The following EDA variants were observed in gnomAD, a reference collection of about 807,000 sequenced individuals.
EDA encodes the protein ectodysplasin-A.
In EDA, 2 loss-of-function variants were observed where a neutral mutation model predicts 23.6. The ratio of observed to expected loss-of-function variants is 0.08; its 90% CI spans 0.03 to 0.27. EDA has a LOEUF of 0.27. Ranked by LOEUF, EDA falls within the 10% of genes least tolerant of loss-of-function variation. EDA has a pLI of 1.00. For synonymous variants in EDA, 131 were observed against 132.0 expected (o/e 0.99, Z 0.05); for missense variants, 229 against 324.2 (o/e 0.71, Z 2.26).
chrX:69,664,004 C>G (rs935481340), intron 1 of EDA, among the ~76,000 whole-genome samples: 2 of 112,364 alleles, frequency 1.8e-5, no homozygotes, highest in African/African-American at 6.5e-5. Context: ...TGGGAAGTAA[C>G]TAACTTGCTT....
At chrX:69,835,215 A>G (rs1258974053) in intron 1 of EDA, among the ~76,000 whole-genome samples, 1 of 111,145 alleles carries the variant, frequency 9.0e-6, no homozygotes, top group African/African-American at 3.3e-5. Flanking sequence ...CTCGAGGAGT[A>G]TCTTTCTGTT....
chrX:69,907,583 A>G (rs1046883490), intron 1 of EDA, among the ~76,000 whole-genome samples: 2 of 111,792 alleles, frequency 1.8e-5, no homozygotes, highest in African/African-American at 6.5e-5. Context: ...AAATAGTATC[A>G]GGAAAGTCAG....
intron 1 of EDA, among the ~76,000 whole-genome samples, chrX:69,639,763 T>C (rs1240813024): frequency 8.9e-6 from 1 of 112,196 alleles, no homozygotes; most frequent in Non-Finnish European, 1.9e-5. Flanking sequence ...ATTTTAAATA[T>C]TAATGTAGTC....
At chrX:69,783,132 A>G (rs2428151) in intron 1 of EDA, among the ~76,000 whole-genome samples, 41,734 of 110,408 alleles carry the variant, frequency 0.38, 7,135 homozygotes, top group Middle Eastern at 0.65. Flanking sequence ...TAGTGGGCCA[A>G]GGGTAGATAT....
chrX:69,667,124 T>TCTTTTTC (rs200680410), intron 1 of EDA, among the ~76,000 whole-genome samples: 2 of 97,376 alleles, frequency 2.1e-5, no homozygotes, highest in Non-Finnish European at 4.1e-5. Flanking sequence ...TTTTTCTTTT[T>TCTTTTTC]TTTTTTTTTT....
At chrX:69,881,685 G>A (rs779864222) in intron 1 of EDA, among the ~76,000 whole-genome samples, 2 of 111,690 alleles carry the variant, frequency 1.8e-5, no homozygotes, top group Non-Finnish European at 3.8e-5. Flanking sequence ...AGAGACACCT[G>A]AGACTGGGTA....
At chrX:69,871,400 A>G (rs1462271968) in intron 1 of EDA, among the ~76,000 whole-genome samples, 2 of 111,752 alleles carry the variant, frequency 1.8e-5, no homozygotes, top group African/African-American at 6.5e-5. Context: ...GGCTGTCTGC[A>G]AACTGAGGAG....
intron 1 of EDA, 86 bp from the exon 2 acceptor site, chrX:69,956,941 T>G: frequency 1.2e-6 from 1 of 825,580 alleles, no homozygotes; most frequent in Non-Finnish European, 1.8e-6. Context: ...AAGGTACAGG[T>G]AGACTGTCTA....
Position 69,620,747 on chromosome X carries a change from G to T in EDA, c.396+4043G>T, listed in dbSNP as rs190859888. ...TATGTCTTTACATTAGAGCTCCTTA[G>T]AAATCTGCCTTCATTTTTGTCTTTC... On this transcript the variant is annotated intron_variant, in intron 1 of 7. Coordinates refer to ENST00000374552, the MANE Select transcript of EDA (RefSeq NM_001399.5). 1.9e-4 allele frequency: 52 copies of T among 271,660 alleles called. 1 individual carries two copies. Among genetic ancestry groups the T allele is most frequent in the African/African-American group, 1.4e-3 (49 of 33,966 alleles). 22.4% of individuals were successfully genotyped at this position (271,660 alleles called of 1,213,427 possible).
intron 1 of EDA, among the ~76,000 whole-genome samples, chrX:69,952,981 T>G (rs1269966715): frequency 9.0e-6 from 1 of 111,665 alleles, no homozygotes; most frequent in East Asian, 2.8e-4. Context: ...TATCTTTTCC[T>G]AGAAATAGCA....
intron 1 of EDA, among the ~76,000 whole-genome samples, chrX:69,654,082 A>G (rs1372709969): frequency 8.9e-6 from 1 of 112,076 alleles, no homozygotes; most frequent in Non-Finnish European, 1.9e-5. Flanking sequence ...AGAATCTACA[A>G]TGAACTCAAA....
chrX:69,671,296 G>T (rs981830992), intron 1 of EDA, among the ~76,000 whole-genome samples: 2 of 111,328 alleles, frequency 1.8e-5, no homozygotes, highest in African/African-American at 6.5e-5. Context: ...GATCCTCCTG[G>T]TCTTACTTTT....
intron 1 of EDA, among the ~76,000 whole-genome samples, chrX:69,756,600 C>G (rs766428940): frequency 9.0e-6 from 1 of 111,546 alleles, no homozygotes; most frequent in African/African-American, 3.3e-5. Context: ...TTTTTAAGGG[C>G]CTTTGAGAAT....
intron 2 of EDA, among the ~76,000 whole-genome samples, chrX:69,983,798 T>C (rs1459913626): frequency 9.9e-6 from 1 of 101,455 alleles, no homozygotes; most frequent in Admixed American, 1.1e-4. Context: ...AATCTGAACG[T>C]TGGCCTGCCT....
chrX:69,941,545 T>C (rs2018757868), intron 1 of EDA, among the ~76,000 whole-genome samples: 1 of 111,977 alleles, frequency 8.9e-6, no homozygotes, highest in African/African-American at 3.2e-5. Flanking sequence ...TTTGTCTCTT[T>C]TATAGCTTTT....
intron 1 of EDA, among the ~76,000 whole-genome samples, chrX:69,673,950 A>G (rs1230207533): frequency 2.7e-5 from 3 of 111,709 alleles, no homozygotes; most frequent in Non-Finnish European, 5.6e-5. Context: ...GGACATGGTC[A>G]CATTCCCTCA....
rs1050958222 is a variant in EDA at position 69,754,936 on chromosome X, T to G, written c.396+138232T>G. On this transcript the variant is annotated intron_variant, in intron 1 of 7. Coordinates refer to ENST00000374552, the MANE Select transcript of EDA (RefSeq NM_001399.5). The stretch of plus-strand genomic sequence containing the variant: ...TTTAAGGACTTCTCTACACTGTTTA[T>G]TCTAGTTAGCCATTTGTCTAGTCTT... Among the ~76,000 whole-genome samples the G allele has an allele frequency of 4.5e-5, 5 of 111,960 alleles. No individual in the cohort carries two copies. The Admixed American group carries it at 4.7e-4, about 11-fold the overall frequency.
In EDA at chrX:69,899,638, T is replaced by C. The variant is rs962005164; in HGVS notation, c.397-57389T>C. On this transcript the variant is annotated intron_variant, in intron 1 of 7. Coordinates refer to ENST00000374552, the MANE Select transcript of EDA (RefSeq NM_001399.5). ...ATACATATATGTAATTTCTTAACTG[T>C]TCCTACCCACTCTATTCATTAATTC... Among the ~76,000 whole-genome samples the C allele has an allele frequency of 3.6e-5, 4 of 111,119 alleles. No individual in the cohort carries two copies. In the Admixed American group the frequency reaches 3.9e-4, roughly 11 times the overall value.
chrX:69,911,723 T>C (rs1361882030), intron 1 of EDA, among the ~76,000 whole-genome samples: 1 of 112,080 alleles, frequency 8.9e-6, no homozygotes, highest in Non-Finnish European at 1.9e-5. Flanking sequence ...AATAGCAATA[T>C]GTCCAAAAAA....
Sources: gnomAD v4.1 joint callset for allele counts (sites outside exome capture counted in the v4.1 genomes callset) on GRCh38, gnomAD v4.1.1 for gene constraint, MANE v1.5 for transcripts, NCBI Gene and HGNC (gene_info 2026-07-23, HGNC 2026-07-21) for gene names.